WASL: variants seen among roughly 807,000 people sequenced by gnomAD.
The protein encoded by WASL is WASP like actin nucleation promoting factor.
Under a neutral mutation model 55.5 loss-of-function variants are expected in WASL, and 20 were observed. The ratio of observed to expected loss-of-function variants is 0.36; its 90% CI spans 0.25 to 0.52. The LOEUF (loss-of-function observed/expected upper bound fraction) is 0.52. WASL is among the 20% of genes least tolerant of loss of function. The pLI, the probability that WASL is intolerant of heterozygous loss-of-function variation, is 0.92. For missense variants in WASL, 504 were observed against 622.5 expected, an observed-to-expected ratio of 0.81 and a Z score of 2.03; for synonymous variants, 249 against 217.6, an observed-to-expected ratio of 1.14 and a Z score of -1.27.
chr7:123,740,386 C>T lies in WASL; in HGVS notation c.117+8232G>A, dbSNP rs191255746. Among the ~76,000 whole-genome samples, 284 of 152,188 alleles carry T rather than the reference C, an allele frequency of 1.9e-3. 3 individuals carry two copies. Among genetic ancestry groups the T allele is most frequent in the Middle Eastern group, 3.4e-3 (1 of 294 alleles). ...ATGTTTTCTAATTAGTTTTACTCTC[C>T]TATATGCTATTATATCAGTATAACT... On this transcript the variant is annotated intron_variant, in intron 1 of 10. Transcript: ENST00000223023.
At position 123,708,825 on chromosome 7, in the gene WASL, G is replaced by A. The variant is rs1198501367; in HGVS notation, c.252+264C>T. Among the ~76,000 whole-genome samples, 12 of 150,440 alleles carry A rather than the reference G, an allele frequency of 8.0e-5. No homozygotes were observed. The South Asian group carries it at 1.7e-3, about 21-fold the overall frequency. The stretch of plus-strand genomic sequence containing the variant: ...GTAAAGAAAGCCCAAGAACCAACAG[G>A]CATAATTTAAAAAAAAAAAAAGCCT... On this transcript the variant is annotated intron_variant, in intron 2 of 10. Coordinates refer to ENST00000223023, the MANE Select transcript of WASL (RefSeq NM_003941.4).
chr7:123,687,070 G>GT (rs1234225406), intron 10 of WASL, among the ~76,000 whole-genome samples: 4 of 151,838 alleles, frequency 2.6e-5, no homozygotes, highest in East Asian at 2.0e-4. Flanking sequence ...CTTTTTCTTC[G>GT]TAAGTCTTTC....
At chr7:123,703,252 C>T (rs1354669939) in intron 5 of WASL, among the ~76,000 whole-genome samples, 1 of 152,162 alleles carries the variant, frequency 6.6e-6, no homozygotes, top group Middle Eastern at 3.2e-3. Context: ...GTCAAATCAT[C>T]TGATGCTGAA....
At chr7:123,728,834 G>A (rs368547168) in intron 1 of WASL, among the ~76,000 whole-genome samples, 6 of 152,050 alleles carry the variant, frequency 3.9e-5, no homozygotes, top group Non-Finnish European at 7.4e-5. Context: ...ATACATAACT[G>A]CTGTTAGTCG....
chr7:123,724,072 C>G (rs147329825), intron 1 of WASL, among the ~76,000 whole-genome samples: 88 of 152,236 alleles, frequency 5.8e-4, no homozygotes, highest in African/African-American at 1.9e-3. Context: ...ATAGCTCCCC[C>G]TTCCCAAGAG....
chr7:123,738,811 T>C (rs142428826), intron 1 of WASL, among the ~76,000 whole-genome samples: 174 of 152,174 alleles, frequency 1.1e-3, no homozygotes, highest in African/African-American at 3.8e-3. Context: ...CTGGGCCACA[T>C]TGGAAGAAGA....
intron 1 of WASL, 30 bp from the exon 2 acceptor site, chr7:123,709,253 G>T (rs1399798361): frequency 6.3e-7 from 1 of 1,584,478 alleles, no homozygotes. Flanking sequence ...TAACCATTAG[G>T]TTCAAAATAA....
intron 1 of WASL, among the ~76,000 whole-genome samples, chr7:123,745,862 G>A (rs62472099): frequency 0.012 from 1,896 of 152,144 alleles, 21 homozygotes; most frequent in East Asian, 0.028. Context: ...CATCAGCCTA[G>A]GGAGTACCTG....
chr7:123,689,533 A>T (rs1408669530), intron 9 of WASL, among the ~76,000 whole-genome samples: 1 of 152,140 alleles, frequency 6.6e-6, no homozygotes, highest in African/African-American at 2.4e-5. Flanking sequence ...TAATACTTAG[A>T]CTCCAGAGTT....
At chr7:123,726,340 C>T (rs1188988987) in intron 1 of WASL, among the ~76,000 whole-genome samples, 2 of 152,052 alleles carry the variant, frequency 1.3e-5, no homozygotes, top group African/African-American at 4.8e-5. Flanking sequence ...ATATGATCAT[C>T]TCATATGACC....
intron 1 of WASL, 70 bp from the exon 2 acceptor site, chr7:123,709,293 G>T: frequency 7.3e-7 from 1 of 1,371,802 alleles, no homozygotes; most frequent in Non-Finnish European, 9.7e-7. Flanking sequence ...CCTGCTGACA[G>T]CTTGACCGCA....
At chr7:123,718,171 T>A (rs1014982384) in intron 1 of WASL, among the ~76,000 whole-genome samples, 2 of 152,212 alleles carry the variant, frequency 1.3e-5, no homozygotes, top group South Asian at 2.1e-4. Flanking sequence ...TGGCATTTTT[T>A]ATTTGTTGTG....
chr7:123,709,573 T>G (rs1506640), intron 1 of WASL, among the ~76,000 whole-genome samples: 113,768 of 152,016 alleles, frequency 0.75, 42,892 homozygotes, highest in South Asian at 0.83. Flanking sequence ...ACTAAAGGGG[T>G]TAATTTGCCC....
chr7:123,721,183 A>G (rs1001419657), intron 1 of WASL, among the ~76,000 whole-genome samples: 11 of 152,238 alleles, frequency 7.2e-5, no homozygotes, highest in Admixed American at 2.6e-4. Flanking sequence ...ATTAATAAAA[A>G]TAAGCAAATT....
In WASL at chr7:123,684,347, A is replaced by C. The variant is rs1584852656; in HGVS notation, c.*172T>G. 7.2e-6 allele frequency: 2 copies of C among 276,536 alleles called. No homozygotes were observed. The highest frequency in any genetic ancestry group is 1.4e-5 in the Non-Finnish European group (2 of 142,634). 17.1% of individuals were successfully genotyped at this position (276,536 alleles called of 1,614,324 possible). On this transcript the variant is annotated 3_prime_UTR_variant, in exon 11 of 11. Transcript: ENST00000223023. Reference sequence around the variant, plus strand: ...AGTAGCTTTGTAGAGGATTACGACAAACCTTTACAGATTAAATGAGGTATT... The same window carrying C: ...AGTAGCTTTGTAGAGGATTACGACACACCTTTACAGATTAAATGAGGTATT...
At chr7:123,725,861 T>G (rs1045097413) in intron 1 of WASL, among the ~76,000 whole-genome samples, 12 of 152,280 alleles carry the variant, frequency 7.9e-5, no homozygotes, top group Middle Eastern at 3.4e-3. Flanking sequence ...AGGTGGGATT[T>G]CAATTCCTTC....
At chr7:123,714,343 C>T (rs1803803887) in intron 1 of WASL, among the ~76,000 whole-genome samples, 1 of 151,676 alleles carries the variant, frequency 6.6e-6, no homozygotes, top group African/African-American at 2.4e-5. Flanking sequence ...TGAGAAATAA[C>T]CAGAAAAGAA....
At chr7:123,713,124 T>C (rs747879767) in intron 1 of WASL, among the ~76,000 whole-genome samples, 1 of 152,116 alleles carries the variant, frequency 6.6e-6, no homozygotes, top group African/African-American at 2.4e-5. Flanking sequence ...AAATATACAA[T>C]GTTAAAGAAA....
intron 1 of WASL, among the ~76,000 whole-genome samples, chr7:123,731,523 T>C (rs546201456): frequency 6.6e-6 from 1 of 152,000 alleles, no homozygotes; most frequent in Admixed American, 6.6e-5. Context: ...CAAACACATA[T>C]GGAACGATCA....
Sources: allele counts gnomAD v4.1 joint callset (sites outside exome capture counted in the v4.1 genomes callset), GRCh38; gene constraint gnomAD v4.1.1; transcripts MANE v1.5; gene names NCBI Gene and HGNC (gene_info 2026-07-23, HGNC 2026-07-21).